CFAP299: variants seen among roughly 807,000 people sequenced by gnomAD.
The protein encoded by CFAP299 is cilia- and flagella-associated protein 299.
Under a neutral mutation model 27.0 loss-of-function variants are expected in CFAP299, and 21 were observed. The observed-to-expected ratio is 0.78, with a 90% CI of 0.55 to 1.12. CFAP299 has a LOEUF of 1.12. Ranked by LOEUF, CFAP299 falls within the 50% of genes most tolerant of loss-of-function variation. The probability of loss-of-function intolerance (pLI) is 0.00; values close to 1 mark genes in which losing one functional copy is unlikely to be tolerated. For synonymous variants in CFAP299, 104 were observed against 98.1 expected (o/e 1.06, Z -0.36); for missense variants, 310 against 276.6 (o/e 1.12, Z -0.86).
At chr4:80,650,459 G>A (rs557771174) in intron 3 of CFAP299, among the ~76,000 whole-genome samples, 7 of 151,612 alleles carry the variant, frequency 4.6e-5, no homozygotes, top group Non-Finnish European at 8.8e-5. Flanking sequence ...TTTTTCCAGC[G>A]CATGATCTTA....
At chr4:80,427,848 T>C (rs184675950) in intron 2 of CFAP299, among the ~76,000 whole-genome samples, 1 of 152,340 alleles carries the variant, frequency 6.6e-6, no homozygotes, top group Admixed American at 6.5e-5. Context: ...TAGATATTAA[T>C]AGTGATTTAA....
intron 2 of CFAP299, among the ~76,000 whole-genome samples, chr4:80,429,739 C>G (rs1727715087): frequency 6.6e-6 from 1 of 151,908 alleles, no homozygotes; most frequent in Non-Finnish European, 1.5e-5. Context: ...AACTATGATT[C>G]TATATGATTC....
At chr4:80,860,504 T>C (rs1238804875) in intron 3 of CFAP299, among the ~76,000 whole-genome samples, 3 of 152,164 alleles carry the variant, frequency 2.0e-5, no homozygotes, top group African/African-American at 7.2e-5. Flanking sequence ...GAGTTGCCAT[T>C]TTTTCTGCTC....
chr4:80,661,947 C>T (rs1740872654), intron 3 of CFAP299, among the ~76,000 whole-genome samples: 1 of 152,140 alleles, frequency 6.6e-6, no homozygotes. Context: ...GCCCCAGTCT[C>T]CCATAGCGCT....
At chr4:80,946,704 CAG>C (rs1025847574) in intron 5 of CFAP299, among the ~76,000 whole-genome samples, 7 of 152,098 alleles carry the variant, frequency 4.6e-5, no homozygotes, top group Non-Finnish European at 7.4e-5. Context: ...AGTACTGGAT[CAG>C]AGAGTTTTTA....
At chr4:80,749,896 T>C (rs1330410396) in intron 3 of CFAP299, among the ~76,000 whole-genome samples, 1 of 152,184 alleles carries the variant, frequency 6.6e-6, no homozygotes, top group African/African-American at 2.4e-5. Flanking sequence ...CCAAGAACAA[T>C]ACTTTGTATC....
chr4:80,728,861 A>G (rs1315548351), intron 3 of CFAP299, among the ~76,000 whole-genome samples: 3 of 152,144 alleles, frequency 2.0e-5, no homozygotes, highest in Non-Finnish European at 4.4e-5. Context: ...GAGGAATCCT[A>G]TCTTCACTGG....
intron 3 of CFAP299, among the ~76,000 whole-genome samples, chr4:80,629,932 G>A (rs1173537603): frequency 2.0e-5 from 3 of 150,242 alleles, no homozygotes; most frequent in Non-Finnish European, 3.0e-5. Context: ...AAATTGTAGA[G>A]AATAGAACCA....
At chr4:80,849,574 T>C (rs994215975) in intron 3 of CFAP299, among the ~76,000 whole-genome samples, 11 of 152,202 alleles carry the variant, frequency 7.2e-5, no homozygotes, top group African/African-American at 4.8e-5. Context: ...AAGATAGTTA[T>C]AGTTTTGCTG....
chr4:80,547,513 A>G (rs1734293818), intron 2 of CFAP299, among the ~76,000 whole-genome samples: 1 of 152,182 alleles, frequency 6.6e-6, no homozygotes, highest in South Asian at 2.1e-4. Context: ...AGTAAAAACA[A>G]AAATTGACAA....
chr4:80,642,530 C>T (rs1172876836), intron 3 of CFAP299, among the ~76,000 whole-genome samples: 2 of 152,148 alleles, frequency 1.3e-5, no homozygotes, highest in Non-Finnish European at 2.9e-5. Flanking sequence ...CTTTGGGAGG[C>T]CACGGCAGGT....
At chr4:80,430,682 G>C (rs1386796745) in intron 2 of CFAP299, among the ~76,000 whole-genome samples, 2 of 152,074 alleles carry the variant, frequency 1.3e-5, no homozygotes, top group Non-Finnish European at 2.9e-5. Flanking sequence ...TGACTATCTA[G>C]TACATAGAGA....
intron 3 of CFAP299, among the ~76,000 whole-genome samples, chr4:80,863,863 G>C (rs568988705): frequency 6.6e-6 from 1 of 151,744 alleles, no homozygotes; most frequent in Non-Finnish European, 1.5e-5. Context: ...ATAAAGTATC[G>C]TTTTCATGTG....
chr4:80,352,999 C>G (rs1315351590), intron 1 of CFAP299, among the ~76,000 whole-genome samples: 6 of 151,868 alleles, frequency 4.0e-5, no homozygotes, highest in Non-Finnish European at 8.8e-5. Flanking sequence ...TAGCTTCTAC[C>G]TTAAGAAGCT....
intron 3 of CFAP299, among the ~76,000 whole-genome samples, chr4:80,724,051 G>A (rs1349362357): frequency 3.3e-5 from 5 of 151,948 alleles, no homozygotes; most frequent in Non-Finnish European, 7.4e-5. Flanking sequence ...TCCTTGTTTT[G>A]TTTCCTTGGA....
chr4:80,572,772 C>T (rs551995151), intron 2 of CFAP299, among the ~76,000 whole-genome samples: 1 of 151,990 alleles, frequency 6.6e-6, no homozygotes, highest in South Asian at 2.1e-4. Context: ...CCACCTGGGC[C>T]TCCCAAAGTG....
intron 4 of CFAP299, among the ~76,000 whole-genome samples, chr4:80,943,439 T>C (rs1202997834): frequency 6.6e-6 from 1 of 152,048 alleles, no homozygotes; most frequent in Non-Finnish European, 1.5e-5. Flanking sequence ...CTTTCTATTT[T>C]CAAAAAAGAA....
At chr4:80,871,990 A>T (rs1431612903) in intron 4 of CFAP299, 1 of 146,882 alleles carries the variant, frequency 6.8e-6, no homozygotes, top group Non-Finnish European at 1.5e-5. Context: ...AGTCCCCCTC[A>T]TTCTTTTTAT....
At chr4:80,574,479 A>G (rs1192784122) in intron 2 of CFAP299, among the ~76,000 whole-genome samples, 1 of 152,110 alleles carries the variant, frequency 6.6e-6, no homozygotes, top group Non-Finnish European at 1.5e-5. Context: ...TGCTCTAGCT[A>G]GGACTTCCAG....
Sources: allele counts gnomAD v4.1 joint callset (sites outside exome capture counted in the v4.1 genomes callset), GRCh38; gene constraint gnomAD v4.1.1; transcripts MANE v1.5; gene names NCBI Gene and HGNC (gene_info 2026-07-23, HGNC 2026-07-21).